DLC1: variants seen among roughly 807,000 people sequenced by gnomAD.
DLC1 encodes the protein DLC1 Rho GTPase activating protein, also known as rho GTPase-activating protein 7.
Under a neutral mutation model 140.3 loss-of-function variants are expected in DLC1, and 54 were observed. That is an observed-to-expected ratio of 0.38 (90% CI 0.31 to 0.48). The LOEUF (loss-of-function observed/expected upper bound fraction) is 0.48, where lower values mean the gene tolerates loss of function less well. DLC1 is among the 20% of genes least tolerant of loss of function. DLC1 has a pLI of 0.96. For missense variants in DLC1, 2,536 were observed against 1,907.0 expected (o/e 1.33, Z -6.14); for synonymous variants, 986 against 728.1 (o/e 1.35, Z -5.70).
In DLC1 at chr8:13,364,466, T is replaced by C. The variant is rs1303198153; in HGVS notation, c.1314+29087A>G. ...GGCATGTGCCACCACGCCAGGCTAA[T>C]TTTGTATTTTTAGCAGAGACAGATT... On this transcript the variant is annotated intron_variant, in intron 4 of 17. Transcript: ENST00000276297. 2.0e-5 allele frequency among the ~76,000 whole-genome samples: 3 copies of C among 152,204 alleles called. No homozygotes were observed. The East Asian group carries it at 5.8e-4, about 29-fold the overall frequency.
At chr8:13,134,406 C>T (rs1159014830) in intron 5 of DLC1, among the ~76,000 whole-genome samples, 1 of 152,170 alleles carries the variant, frequency 6.6e-6, no homozygotes, top group Non-Finnish European at 1.5e-5. Context: ...TATCCCTTCC[C>T]TCCTGGAGGT....
chr8:13,583,884 A>C (rs1362990155), intron 1 of DLC1: 1 of 152,268 alleles, frequency 6.6e-6, no homozygotes, highest in African/African-American at 2.4e-5. Context: ...TGTCCTGGCA[A>C]AACTGGCTGG....
At chr8:13,500,931 T>C (rs1801783487) in intron 1 of DLC1, among the ~76,000 whole-genome samples, 1 of 152,198 alleles carries the variant, frequency 6.6e-6, no homozygotes, top group African/African-American at 2.4e-5. Context: ...ACTAAAGTTA[T>C]ACATGTAGCA....
chr8:13,148,343 T>C (rs780048949), intron 5 of DLC1, among the ~76,000 whole-genome samples: 1 of 152,198 alleles, frequency 6.6e-6, no homozygotes, highest in Non-Finnish European at 1.5e-5. Context: ...GTCCATAAGT[T>C]CTCATCATTT....
At chr8:13,185,962 G>A (rs964578782) in intron 5 of DLC1, among the ~76,000 whole-genome samples, 3 of 152,216 alleles carry the variant, frequency 2.0e-5, no homozygotes, top group Admixed American at 2.0e-4. Context: ...CTTTAAGAAT[G>A]TTGAATATTG....
chr8:13,238,821 C>T (rs562803397), intron 5 of DLC1, among the ~76,000 whole-genome samples: 65 of 152,240 alleles, frequency 4.3e-4, no homozygotes, highest in African/African-American at 1.5e-3. Context: ...GATGTGTATG[C>T]TCTCTGACGC....
chr8:13,268,991 C>T (rs1337470353), intron 5 of DLC1, among the ~76,000 whole-genome samples: 2 of 151,478 alleles, frequency 1.3e-5, no homozygotes, highest in African/African-American at 4.8e-5. Context: ...TCTCCTGCCT[C>T]AGCCTCCGAG....
chr8:13,257,430 C>G (rs555129109), intron 5 of DLC1, among the ~76,000 whole-genome samples: 1 of 127,884 alleles, frequency 7.8e-6, no homozygotes. Context: ...GAGCAATACC[C>G]TGTCTCAGGA....
intron 1 of DLC1, among the ~76,000 whole-genome samples, chr8:13,592,254 C>T (rs1805538809): frequency 6.6e-6 from 1 of 152,090 alleles, no homozygotes. Flanking sequence ...CCTTCCCTTA[C>T]ATTTTCTAGT....
intron 5 of DLC1, among the ~76,000 whole-genome samples, chr8:13,262,648 G>C (rs1468472058): frequency 6.6e-6 from 1 of 152,128 alleles, no homozygotes; most frequent in Non-Finnish European, 1.5e-5. Flanking sequence ...GCAGCCTTGA[G>C]CTCCTGGGCT....
intron 1 of DLC1, among the ~76,000 whole-genome samples, chr8:13,523,647 A>C (rs1287838328): frequency 6.6e-6 from 1 of 152,220 alleles, no homozygotes; most frequent in Non-Finnish European, 1.5e-5. Flanking sequence ...TATTAGATTT[A>C]AGAAAGCAGA....
At chr8:13,445,271 A>C (rs1798725736) in intron 2 of DLC1, among the ~76,000 whole-genome samples, 1 of 152,226 alleles carries the variant, frequency 6.6e-6, no homozygotes, top group Admixed American at 6.5e-5. Flanking sequence ...GTTATTCATC[A>C]CATCTTTAAC....
At chr8:13,180,701 A>G (rs1246624338) in intron 5 of DLC1, among the ~76,000 whole-genome samples, 1 of 152,298 alleles carries the variant, frequency 6.6e-6, no homozygotes, top group East Asian at 1.9e-4. Context: ...AACTAATCTC[A>G]GTCCTTAACA....
chr8:13,501,946 C>T (rs977934802), intron 1 of DLC1, among the ~76,000 whole-genome samples: 3 of 152,140 alleles, frequency 2.0e-5, no homozygotes, highest in African/African-American at 4.8e-5. Context: ...ACTTTTCTCT[C>T]TTTATTTTTA....
intron 10 of DLC1, among the ~76,000 whole-genome samples, chr8:13,097,525 A>G (rs1455454654): frequency 6.6e-6 from 1 of 152,166 alleles, no homozygotes; most frequent in Admixed American, 6.5e-5. Flanking sequence ...CAGATTCCCA[A>G]AATGCTGGGA....
chr8:13,372,177 G>A (rs895100931), intron 4 of DLC1, among the ~76,000 whole-genome samples: 4 of 151,900 alleles, frequency 2.6e-5, no homozygotes, highest in African/African-American at 9.7e-5. Flanking sequence ...TTTGATAGTG[G>A]GAAATAGAAA....
At chr8:13,505,698 T>G (rs1028260574) in intron 1 of DLC1, among the ~76,000 whole-genome samples, 3 of 152,210 alleles carry the variant, frequency 2.0e-5, no homozygotes, top group Middle Eastern at 3.2e-3. Flanking sequence ...TTTGGATATT[T>G]ATCTTATGTC....
chr8:13,299,849 C>T (rs953869442), intron 5 of DLC1, among the ~76,000 whole-genome samples: 37 of 152,170 alleles, frequency 2.4e-4, no homozygotes, highest in African/African-American at 7.9e-4. Flanking sequence ...AACAGTGACT[C>T]CCAGAAGCTG....
At chr8:13,602,120 C>G (rs1289491857) in intron 1 of DLC1, among the ~76,000 whole-genome samples, 1 of 151,620 alleles carries the variant, frequency 6.6e-6, no homozygotes, top group Admixed American at 6.6e-5. Context: ...TAGCAGTTTA[C>G]AAAAACAGGG....
Sources: allele counts gnomAD v4.1 joint callset (sites outside exome capture counted in the v4.1 genomes callset), GRCh38; gene constraint gnomAD v4.1.1; transcripts MANE v1.5; gene names NCBI Gene and HGNC (gene_info 2026-07-23, HGNC 2026-07-21).